Variants in TBCK observed in about 807,000 individuals in gnomAD.
TBCK encodes the protein TBC domain-containing protein kinase-like protein.
In TBCK, 99 loss-of-function variants were observed where a neutral mutation model predicts 113.4. That is an observed-to-expected ratio of 0.87 (90% CI 0.74 to 1.03). TBCK has a LOEUF of 1.03. TBCK is among the 50% of genes least tolerant of loss of function. The probability of loss-of-function intolerance (pLI) is 0.00; values close to 1 mark genes in which losing one functional copy is unlikely to be tolerated. For synonymous variants in TBCK, 369 were observed against 370.8 expected (o/e 1.00, Z 0.05); for missense variants, 1,045 against 1,061.3 (o/e 0.98, Z 0.21).
At chr4:106,129,961 C>T (rs1243774891) in intron 23 of TBCK, among the ~76,000 whole-genome samples, 1 of 152,228 alleles carries the variant, frequency 6.6e-6, no homozygotes, top group Non-Finnish European at 1.5e-5. Context: ...CCAAAGGTCA[C>T]TGTGCTTCTG....
chr4:106,112,166 A>G (rs1742941928), intron 24 of TBCK, among the ~76,000 whole-genome samples: 1 of 152,216 alleles, frequency 6.6e-6, no homozygotes, highest in Non-Finnish European at 1.5e-5. Flanking sequence ...CCAGTTAGTC[A>G]GTAAAGTCAT....
In TBCK at chr4:106,230,400, A is replaced by G. The variant is rs1424758626; in HGVS notation, c.1737T>C (p.Tyr579=). Residue 579 remains tyrosine (Y), a synonymous_variant, in exon 19 of 26, where the codon TAT becomes TAC. Transcript: ENST00000394708. Reference sequence around the variant, plus strand: ...GTGAGTTGTCTTTTAAGAAGAAGTTATACAGGTATTTGGGAATAAAAGCAG... The same window carrying G: ...GTGAGTTGTCTTTTAAGAAGAAGTTGTACAGGTATTTGGGAATAAAAGCAG... ...CMSAFIPKYL[Y]NFFLKDNSHV... is the part of the protein sequence containing the mutation. The G allele has an allele frequency of 7.5e-6, 12 of 1,603,562 alleles. No individual in the cohort carries two copies. Among genetic ancestry groups the G allele is most frequent in the Admixed American group, 1.7e-5 (1 of 59,808 alleles).
chr4:106,119,995 A>G lies in TBCK; in HGVS notation c.2236-3617T>C, dbSNP rs938493369. On this transcript the variant is annotated intron_variant, in intron 23 of 25. Transcript: ENST00000394708. ...GGCCGAATAGGAACAGCTCGGGTCT[A>G]CAGCTCCCAGCCTGAGCGACGCAGA... Among the ~76,000 whole-genome samples, 7 of 152,204 alleles carry G rather than the reference A, an allele frequency of 4.6e-5. No individual in the cohort carries two copies. In the South Asian group the frequency reaches 1.2e-3, roughly 27 times the overall value.
intron 23 of TBCK, among the ~76,000 whole-genome samples, chr4:106,159,389 A>C (rs75770211): frequency 0.011 from 1,714 of 152,188 alleles, 31 homozygotes; most frequent in African/African-American, 0.039. Context: ...AATACCCTAA[A>C]CATTACACAA....
chr4:106,245,213 G>T (rs548964717), intron 10 of TBCK, among the ~76,000 whole-genome samples: 76 of 152,274 alleles, frequency 5.0e-4, no homozygotes, highest in African/African-American at 1.7e-3. Context: ...CCACACTTTT[G>T]TGAGTCTGGA....
intron 1 of TBCK, among the ~76,000 whole-genome samples, chr4:106,315,344 G>C (rs1239510761): frequency 2.0e-5 from 3 of 152,138 alleles, no homozygotes; most frequent in African/African-American, 7.2e-5. Context: ...GGGAAAGAAA[G>C]TAAAAAATAG....
At chr4:106,224,242 A>G (rs1757997191) in intron 19 of TBCK, among the ~76,000 whole-genome samples, 1 of 151,978 alleles carries the variant, frequency 6.6e-6, no homozygotes, top group Non-Finnish European at 1.5e-5. Context: ...GAGTCTCATG[A>G]GTGTATATAT....
chr4:106,314,789 T>C (rs1439704864), intron 1 of TBCK, among the ~76,000 whole-genome samples: 1 of 151,640 alleles, frequency 6.6e-6, no homozygotes, highest in Non-Finnish European at 1.5e-5. Flanking sequence ...CACGCCCGGC[T>C]AATTTTTGTA....
chr4:106,199,593 T>A (rs946709421), intron 20 of TBCK, among the ~76,000 whole-genome samples: 1 of 152,158 alleles, frequency 6.6e-6, no homozygotes, highest in African/African-American at 2.4e-5. Flanking sequence ...ACACATATCC[T>A]AAAACGAGCT....
At chr4:106,232,776 T>G (rs183127642) in intron 17 of TBCK, among the ~76,000 whole-genome samples, 162 bp downstream of exon 17, 1 of 152,160 alleles carries the variant, frequency 6.6e-6, no homozygotes, top group East Asian at 1.9e-4. Flanking sequence ...AGACAAAGAT[T>G]TTTAAAAATG....
intron 12 of TBCK, among the ~76,000 whole-genome samples, chr4:106,241,291 A>G (rs1398853863): frequency 1.3e-5 from 2 of 151,986 alleles, no homozygotes; most frequent in Non-Finnish European, 2.9e-5. Flanking sequence ...TGTTCAAGAA[A>G]TAAAACCCTA....
chr4:106,297,240 A>C (rs72878534), intron 2 of TBCK, among the ~76,000 whole-genome samples: 4,103 of 152,262 alleles, frequency 0.027, 178 homozygotes, highest in African/African-American at 0.094. Context: ...TCTATAGCCT[A>C]TATTATAGGC....
Position 106,103,188 on chromosome 4 carries a change from C to T in TBCK, c.2412-7547G>A, listed in dbSNP as rs114914706. Among the ~76,000 whole-genome samples, 1,518 of 152,224 alleles carry T rather than the reference C, an allele frequency of 1.0e-2. 21 individuals carry two copies. The highest frequency in any genetic ancestry group is 0.035 in the African/African-American group (1,444 of 41,530). On this transcript the variant is annotated intron_variant, in intron 24 of 25. Coordinates refer to ENST00000394708, the MANE Select transcript of TBCK (RefSeq NM_001163435.3). The stretch of plus-strand genomic sequence containing the variant: ...TTTCCTCCCTCAAAGTGTTGCAATA[C>T]TGCTTTCTAAAATTTGAAATACTTC...
intron 3 of TBCK, among the ~76,000 whole-genome samples, chr4:106,276,691 G>A (rs1256174868): frequency 6.6e-6 from 1 of 152,052 alleles, no homozygotes; most frequent in African/African-American, 2.4e-5. Flanking sequence ...TCAAGAGTTC[G>A]AGACCAACCT....
At chr4:106,237,409 A>C (rs2150013943) in intron 12 of TBCK, 1 of 434,512 alleles carries the variant, frequency 2.3e-6, no homozygotes. Context: ...GGTATTCTTC[A>C]AAATCATAAG....
chr4:106,290,310 T>C (rs1330788047), intron 3 of TBCK, among the ~76,000 whole-genome samples: 3 of 152,134 alleles, frequency 2.0e-5, no homozygotes, highest in Admixed American at 6.5e-5. Flanking sequence ...CCTGGGTAGC[T>C]GGGACTACAG....
At chr4:106,113,219 T>C (rs570549148) in intron 24 of TBCK, among the ~76,000 whole-genome samples, 5 of 152,152 alleles carry the variant, frequency 3.3e-5, no homozygotes, top group African/African-American at 1.2e-4. Flanking sequence ...CACAGTGGAA[T>C]ATCCAACATT....
chr4:106,241,242 T>A (rs1480952422), intron 12 of TBCK, among the ~76,000 whole-genome samples: 2 of 151,780 alleles, frequency 1.3e-5, no homozygotes, highest in Non-Finnish European at 2.9e-5. Context: ...AAAATTGTTA[T>A]ATAAAATAAG....
At chr4:106,159,046 AC>A (rs1749444228) in intron 23 of TBCK, among the ~76,000 whole-genome samples, 1 of 152,068 alleles carries the variant, frequency 6.6e-6, no homozygotes, top group South Asian at 2.1e-4. Flanking sequence ...AAAAAAAAAA[AC>A]AACCACATGA....
Sources: gnomAD v4.1 joint callset for allele counts (sites outside exome capture counted in the v4.1 genomes callset) on GRCh38, gnomAD v4.1.1 for gene constraint, MANE v1.5 for transcripts, NCBI Gene and HGNC (gene_info 2026-07-23, HGNC 2026-07-21) for gene names.